ZFHX3: variants seen among roughly 807,000 people sequenced by gnomAD.
ZFHX3 encodes zinc finger homeobox protein 3.
Under a neutral mutation model 279.1 loss-of-function variants are expected in ZFHX3, and 42 were observed. That is an observed-to-expected ratio of 0.15 (90% CI 0.12 to 0.19). The LOEUF is 0.19. Ranked by LOEUF, ZFHX3 falls within the 10% of genes least tolerant of loss-of-function variation. ZFHX3 has a pLI of 1.00. For synonymous variants in ZFHX3, 2,293 were observed against 1,957.8 expected, an observed-to-expected ratio of 1.17 and a Z score of -4.52; for missense variants, 4,981 against 4,754.0, an observed-to-expected ratio of 1.05 and a Z score of -1.40.
At chr16:73,055,325 T>C (rs965050084) in intron 1 of ZFHX3, among the ~76,000 whole-genome samples, 4 of 152,098 alleles carry the variant, frequency 2.6e-5, no homozygotes, top group Non-Finnish European at 4.4e-5. Flanking sequence ...TGGGAGCCTA[T>C]GTCTATGCAG....
At chr16:73,678,229 G>A (rs1442036115) in intron 2 of ZFHX3, among the ~76,000 whole-genome samples, 9 of 152,044 alleles carry the variant, frequency 5.9e-5, no homozygotes, top group African/African-American at 7.2e-5. Flanking sequence ...TGTGTTACAC[G>A]CATGTGTGAA....
In ZFHX3 at chr16:72,798,142, G is replaced by C; in HGVS notation, c.4540C>G (p.Gln1514Glu). Residue 1514 changes from glutamine to glutamate, a missense_variant, in exon 9 of 10, where the codon CAA becomes GAA. By Grantham distance (29) the Gln-to-Glu change is conservative (BLOSUM62 2). Transcript: ENST00000268489. ...TTTGGCTCTGAGCCCGAGTCTTCTT[G>C]TACTGACCCAGAGTCACTGCCCGTT... is the stretch of plus-strand genomic sequence containing the variant. The part of the protein sequence containing the change: ...SPTGSDSGSV[Q>E]EDSGSEPKRA... 3 of 1,614,200 alleles carry C rather than the reference G, an allele frequency of 1.9e-6. No homozygotes were observed. The highest frequency in any genetic ancestry group is 1.1e-5 in the South Asian group (1 of 91,086).
intron 1 of ZFHX3, among the ~76,000 whole-genome samples, chr16:73,748,050 G>C (rs2053720169): frequency 6.6e-6 from 1 of 152,060 alleles, no homozygotes; most frequent in African/African-American, 2.4e-5. Context: ...AAGATGTTGG[G>C]GATAATAGTC....
In ZFHX3 at chr16:73,451,134, G is replaced by A. The variant is rs1014518316; in HGVS notation, c.-1291+4869C>T. 3.9e-5 allele frequency among the ~76,000 whole-genome samples: 6 copies of A among 152,330 alleles called. No individual in the cohort carries two copies. The East Asian group carries it at 1.2e-3, about 29-fold the overall frequency. The stretch of plus-strand genomic sequence containing the variant: ...GAGCAATGATGCTGCCTCAGTGGGT[G>A]AGATGAGATCAGTCAAGGGCCTGCA... On this transcript the variant is annotated intron_variant, in intron 3 of 17. Transcript: ENST00000641206.
At chr16:73,640,032 C>T (rs757315124) in intron 2 of ZFHX3, among the ~76,000 whole-genome samples, 4 of 152,124 alleles carry the variant, frequency 2.6e-5, no homozygotes, top group Non-Finnish European at 4.4e-5. Context: ...TACGTTCTCT[C>T]CTCCATCCCT....
chr16:73,742,586 A>T (rs995932009), intron 1 of ZFHX3, among the ~76,000 whole-genome samples: 1 of 152,200 alleles, frequency 6.6e-6, no homozygotes, highest in Non-Finnish European at 1.5e-5. Flanking sequence ...GTGAGGGTAG[A>T]TATGGTCAAC....
At chr16:73,257,685 C>T (rs1162432735) in intron 4 of ZFHX3, among the ~76,000 whole-genome samples, 1 of 152,158 alleles carries the variant, frequency 6.6e-6, no homozygotes, top group South Asian at 2.1e-4. Flanking sequence ...TTCTTCTATT[C>T]AGTAAGATGG....
chr16:73,682,994 A>G (rs8054575), intron 1 of ZFHX3, among the ~76,000 whole-genome samples: 4,023 of 43,206 alleles, frequency 0.093, 369 homozygotes, highest in East Asian at 0.28. Context: ...AAGAAAGAAA[A>G]GAAAGAAAGA....
At chr16:73,888,413 T>G in intron 1 of ZFHX3, among the ~76,000 whole-genome samples, 1 of 152,268 alleles carries the variant, frequency 6.6e-6, no homozygotes, top group South Asian at 2.1e-4. Context: ...GAGACAAAGA[T>G]GATTTGTAAA....
intron 1 of ZFHX3, among the ~76,000 whole-genome samples, chr16:72,995,783 G>T (rs1467829538): frequency 6.6e-6 from 1 of 152,166 alleles, no homozygotes; most frequent in Non-Finnish European, 1.5e-5. Flanking sequence ...ACAAAGGAAA[G>T]CTCTGGGCCT....
intron 1 of ZFHX3, among the ~76,000 whole-genome samples, chr16:73,795,625 G>C (rs1037539747): frequency 6.6e-5 from 10 of 152,148 alleles, no homozygotes; most frequent in South Asian, 2.1e-4. Context: ...GACATGACAG[G>C]TGTCCTACAG....
chr16:73,617,986 T>A (rs1009160429), intron 2 of ZFHX3, among the ~76,000 whole-genome samples: 1 of 152,186 alleles, frequency 6.6e-6, no homozygotes, highest in Non-Finnish European at 1.5e-5. Flanking sequence ...TACACTGCAA[T>A]AGAGCCACTT....
At chr16:72,969,838 G>T (rs2144504838) in intron 1 of ZFHX3, among the ~76,000 whole-genome samples, 1 of 152,294 alleles carries the variant, frequency 6.6e-6, no homozygotes, top group South Asian at 2.1e-4. Flanking sequence ...GCCATACATA[G>T]GTGATTCCAT....
intron 3 of ZFHX3, among the ~76,000 whole-genome samples, chr16:73,443,225 C>T (rs970549445): frequency 2.6e-5 from 4 of 151,988 alleles, no homozygotes; most frequent in South Asian, 2.1e-4. Context: ...AATTTGCAAG[C>T]ATGGGGAGCA....
At position 72,950,736 on chromosome 16, in the gene ZFHX3, T is replaced by C. The variant is rs1050449585; in HGVS notation, c.2949A>G (p.Ser983=). The C allele has an allele frequency of 6.2e-7, 1 of 1,614,228 alleles. No homozygotes were observed. The highest frequency in any genetic ancestry group is 8.5e-7 in the Non-Finnish European group (1 of 1,180,046). Residue 983 remains serine (S), a synonymous_variant, in exon 3 of 10, where the codon TCA becomes TCG. Coordinates refer to ENST00000268489, the MANE Select transcript of ZFHX3 (RefSeq NM_006885.4). ...EDEWKAVMGD[S]YQCKLCRYNT... is the part of the protein sequence containing the mutation. ...TGTAGCGGCAGAGCTTGCACTGGTA[T>C]GAGTCCCCCATCACCGCCTTCCACT...
At chr16:73,519,590 C>G (rs151148059) in intron 2 of ZFHX3, among the ~76,000 whole-genome samples, 3 of 152,084 alleles carry the variant, frequency 2.0e-5, no homozygotes, top group African/African-American at 7.2e-5. Context: ...AGGAGACCAC[C>G]GTTCTCTGTC....
chr16:73,470,913 C>T (rs1408585284), intron 2 of ZFHX3, among the ~76,000 whole-genome samples: 1 of 152,176 alleles, frequency 6.6e-6, no homozygotes, highest in Non-Finnish European at 1.5e-5. Context: ...CTCTTCATTT[C>T]TATCCTCAAA....
chr16:73,382,567 G>A (rs867884557), intron 3 of ZFHX3, among the ~76,000 whole-genome samples: 2 of 152,168 alleles, frequency 1.3e-5, no homozygotes, highest in Non-Finnish European at 2.9e-5. Flanking sequence ...TTGTGGGGGG[G>A]CAGGAGGTAA....
chr16:72,863,968 T>C (rs2037949501), intron 4 of ZFHX3, among the ~76,000 whole-genome samples: 1 of 151,946 alleles, frequency 6.6e-6, no homozygotes, highest in South Asian at 2.1e-4. Context: ...TACAAAAAAA[T>C]TAGCTGGGCG....
Sources: allele counts gnomAD v4.1 joint callset (sites outside exome capture counted in the v4.1 genomes callset), GRCh38; gene constraint gnomAD v4.1.1; transcripts MANE v1.5; gene names NCBI Gene and HGNC (gene_info 2026-07-23, HGNC 2026-07-21).